FRMPD4: variants seen among roughly 807,000 people sequenced by gnomAD.
FRMPD4 encodes the protein FERM and PDZ domain containing 4, also known as FERM and PDZ domain-containing protein 4.
A neutral mutation model predicts 94.1 loss-of-function variants in FRMPD4; 22 were observed. The ratio of observed to expected loss-of-function variants is 0.23; its 90% CI spans 0.17 to 0.33. The LOEUF (loss-of-function observed/expected upper bound fraction) is 0.33. FRMPD4 is among the 10% of genes least tolerant of loss of function. The pLI, the probability that FRMPD4 is intolerant of heterozygous loss-of-function variation, is 1.00. For missense variants in FRMPD4, 1,111 were observed against 1,339.9 expected, an observed-to-expected ratio of 0.83 and a Z score of 2.67; for synonymous variants, 631 against 548.6, an observed-to-expected ratio of 1.15 and a Z score of -2.10.
chrX:12,684,615 A>T (rs1470972935), intron 6 of FRMPD4, among the ~76,000 whole-genome samples: 1 of 111,792 alleles, frequency 8.9e-6, no homozygotes, highest in Non-Finnish European at 1.9e-5. Context: ...ATCACTCTGG[A>T]TGCACGGTCA....
chrX:11,870,803 A>G (rs1195989254), intron 2 of FRMPD4, among the ~76,000 whole-genome samples: 1 of 112,261 alleles, frequency 8.9e-6, no homozygotes, highest in Non-Finnish European at 1.9e-5. Context: ...TGGACAAGAA[A>G]CTCTCTGAGC....
chrX:12,058,946 G>A (rs1272329663), intron 3 of FRMPD4, among the ~76,000 whole-genome samples: 1 of 110,459 alleles, frequency 9.1e-6, no homozygotes, highest in Non-Finnish European at 1.9e-5. Context: ...ATAGTGTTGG[G>A]GTTTAGAAAC....
intron 1 of FRMPD4, among the ~76,000 whole-genome samples, chrX:12,304,149 A>G (rs1454473797): frequency 8.9e-6 from 1 of 111,789 alleles, no homozygotes; most frequent in Non-Finnish European, 1.9e-5. Flanking sequence ...AAAAGTAATG[A>G]TGCCAACTTA....
chrX:11,932,669 G>C (rs2054128090), intron 3 of FRMPD4, among the ~76,000 whole-genome samples: 1 of 101,480 alleles, frequency 9.9e-6, no homozygotes, highest in African/African-American at 3.6e-5. Flanking sequence ...TACTTATGAG[G>C]ACCAAAGAAT....
intron 1 of FRMPD4, among the ~76,000 whole-genome samples, chrX:12,225,204 T>G (rs2056909034): frequency 8.9e-6 from 1 of 112,278 alleles, no homozygotes; most frequent in Non-Finnish European, 1.9e-5. Context: ...GTAAGAATGG[T>G]GCTTTATGCA....
At chrX:12,645,693 T>A (rs1481997799) in intron 4 of FRMPD4, among the ~76,000 whole-genome samples, 1 of 111,591 alleles carries the variant, frequency 9.0e-6, no homozygotes, top group Non-Finnish European at 1.9e-5. Flanking sequence ...ATTTGCCTTT[T>A]CTTATCCCCT....
intron 3 of FRMPD4, among the ~76,000 whole-genome samples, chrX:11,899,602 A>T (rs2053923110): frequency 8.9e-6 from 1 of 111,849 alleles, no homozygotes; most frequent in African/African-American, 3.3e-5. Flanking sequence ...AGGAGTTTTG[A>T]ATATAAGGAC....
At chrX:12,010,076 G>C (rs1489847933) in intron 3 of FRMPD4, among the ~76,000 whole-genome samples, 3 of 111,443 alleles carry the variant, frequency 2.7e-5, no homozygotes, top group Non-Finnish European at 3.8e-5. Flanking sequence ...AAGCAAATAA[G>C]CACAGAGAGA....
At chrX:11,825,115 C>T (rs2053434094) in intron 1 of FRMPD4, among the ~76,000 whole-genome samples, 2 of 108,446 alleles carry the variant, frequency 1.8e-5, no homozygotes, top group Admixed American at 9.9e-5. Flanking sequence ...AATAGAGTTT[C>T]TGTGGTTTTG....
intron 2 of FRMPD4, among the ~76,000 whole-genome samples, chrX:12,518,825 GCACACA>G (rs757932325): frequency 9.3e-6 from 1 of 107,751 alleles, no homozygotes; most frequent in Non-Finnish European, 1.9e-5. Flanking sequence ...GTGCGCGCGT[GCACACA>G]CACACACACA....
chrX:12,050,384 TG>T (rs1180635229), intron 3 of FRMPD4, among the ~76,000 whole-genome samples: 1 of 112,129 alleles, frequency 8.9e-6, no homozygotes, highest in Non-Finnish European at 1.9e-5. Flanking sequence ...AGTAGCATGC[TG>T]TACAGGTTTG....
At chrX:12,003,109 A>G (rs544185089) in intron 3 of FRMPD4, among the ~76,000 whole-genome samples, 13 of 111,775 alleles carry the variant, frequency 1.2e-4, no homozygotes, top group East Asian at 8.5e-4. Context: ...ACAAGCTACA[A>G]TGACTCAGAA....
At chrX:11,896,671 T>C (rs779270217) in intron 3 of FRMPD4, among the ~76,000 whole-genome samples, 176 of 112,268 alleles carry the variant, frequency 1.6e-3, no homozygotes, top group Non-Finnish European at 3.0e-3. Context: ...GAAGCCTGAA[T>C]GGACTAAGAC....
intron 1 of FRMPD4, among the ~76,000 whole-genome samples, chrX:12,165,316 C>G (rs1162106434): frequency 8.9e-6 from 1 of 112,311 alleles, no homozygotes; most frequent in Non-Finnish European, 1.9e-5. Flanking sequence ...AATCCTTTCC[C>G]CATTGCTTGT....
At chrX:12,130,069 T>C (rs1378427905) in intron 3 of FRMPD4, among the ~76,000 whole-genome samples, 1 of 105,449 alleles carries the variant, frequency 9.5e-6, no homozygotes, top group Non-Finnish European at 1.9e-5. Context: ...TACTTGGTTA[T>C]CTTTGGCTTA....
chrX:11,848,120 G>T (rs1212426125), intron 1 of FRMPD4, among the ~76,000 whole-genome samples: 1 of 110,356 alleles, frequency 9.1e-6, no homozygotes, highest in Non-Finnish European at 1.9e-5. Context: ...TTGTTTTTTG[G>T]AATACTGTAC....
At chrX:12,100,666 C>G in intron 3 of FRMPD4, among the ~76,000 whole-genome samples, 1 of 112,266 alleles carries the variant, frequency 8.9e-6, no homozygotes. Context: ...TTGCTGTCTT[C>G]TTGTTCTCTA....
intron 1 of FRMPD4, among the ~76,000 whole-genome samples, chrX:12,465,153 C>A (rs1415901946): frequency 9.0e-6 from 1 of 111,311 alleles, no homozygotes; most frequent in East Asian, 2.8e-4. Context: ...AGTCAGAAGG[C>A]AAGGAATCTG....
rs752436640 is a variant in FRMPD4, at chrX:12,510,074, G to GT, written c.158+11279dup. Among the ~76,000 whole-genome samples the GT allele has an allele frequency of 5.0e-3, 557 of 112,023 alleles. 6 individuals are homozygous for GT. The highest frequency in any genetic ancestry group is 0.017 in the African/African-American group (539 of 30,802). On this transcript the variant is annotated intron_variant, in intron 2 of 16. Transcript: ENST00000675598. The stretch of plus-strand genomic sequence containing the variant: ...AACAATGTGTTTGGACTAGAAATCT[G>GT]TATCATCTGGGAATCCTGTGAGGTA...
Sources: gnomAD v4.1 joint callset for allele counts (sites outside exome capture counted in the v4.1 genomes callset) on GRCh38, gnomAD v4.1.1 for gene constraint, MANE v1.5 for transcripts, NCBI Gene and HGNC (gene_info 2026-07-23, HGNC 2026-07-21) for gene names.